Variants in WDR89 observed in about 807,000 individuals in gnomAD.
WDR89 encodes WD repeat domain 89, also known as WD repeat-containing protein 89.
In WDR89, 17 loss-of-function variants were observed where a neutral mutation model predicts 29.1. The observed-to-expected ratio is 0.58, with a 90% CI of 0.40 to 0.88. WDR89 has a LOEUF of 0.88. WDR89 is among the 40% of genes least tolerant of loss of function. The pLI is 0.00. For missense variants in WDR89, 396 were observed against 456.3 expected, an observed-to-expected ratio of 0.87 and a Z score of 1.20; for synonymous variants, 138 against 157.8, an observed-to-expected ratio of 0.87 and a Z score of 0.94.
At chr14:63,638,268 T>C (rs986947030) in intron 1 of WDR89, among the ~76,000 whole-genome samples, 3 of 152,030 alleles carry the variant, frequency 2.0e-5, no homozygotes, top group Non-Finnish European at 4.4e-5. Context: ...TAAAAAAAAG[T>C]CACTGCCCCC....
At position 63,597,479 on chromosome 14, in the gene WDR89, C is replaced by T. The variant is rs1256296249; in HGVS notation, c.*1300G>A. 1 of 152,132 alleles carries T rather than the reference C, an allele frequency of 6.6e-6. No homozygotes were observed. Among genetic ancestry groups the T allele is most frequent in the Non-Finnish European group, 1.5e-5 (1 of 68,016 alleles). 9.4% of individuals were successfully genotyped at this position (152,132 alleles called of 1,614,324 possible). ...CCCTGTATTTATCTTCTGTGGCTTT[C>T]ATCTTTTCTCTTTGTCTCTTTCAGT... On this transcript the variant is annotated 3_prime_UTR_variant, in exon 3 of 3. Coordinates refer to ENST00000620954, the MANE Select transcript of WDR89 (RefSeq NM_080666.4).
At chr14:63,633,210 C>T (rs1266659076) in intron 1 of WDR89, among the ~76,000 whole-genome samples, 1 of 151,934 alleles carries the variant, frequency 6.6e-6, no homozygotes, top group Non-Finnish European at 1.5e-5. Context: ...GACAGGATTT[C>T]CACCCCTTTT....
intron 2 of WDR89, among the ~76,000 whole-genome samples, chr14:63,612,227 A>G (rs1882032201): frequency 6.6e-6 from 1 of 152,222 alleles, no homozygotes; most frequent in Admixed American, 6.6e-5. Flanking sequence ...TAGCTTCATA[A>G]TAAACTGGAA....
chr14:63,608,666 G>GCACA (rs57605983), intron 2 of WDR89, among the ~76,000 whole-genome samples: 5,045 of 144,710 alleles, frequency 0.035, 261 homozygotes, highest in African/African-American at 0.11. Flanking sequence ...TGTGGTGCAT[G>GCACA]CACACACACA....
chr14:63,623,703 CAAAAAA>C (rs34839479), intron 2 of WDR89, among the ~76,000 whole-genome samples: 3 of 39,068 alleles, frequency 7.7e-5, no homozygotes, highest in African/African-American at 2.4e-4. Flanking sequence ...GACTCTGTCT[CAAAAAA>C]AAAAAAAAAA....
intron 1 of WDR89, among the ~76,000 whole-genome samples, chr14:63,635,101 C>G (rs548843683): frequency 5.1e-4 from 78 of 151,894 alleles, no homozygotes; most frequent in African/African-American, 1.8e-3. Flanking sequence ...CACAAGATAA[C>G]AAAGGAACTC....
chr14:63,636,840 T>G (rs908838364), intron 1 of WDR89, among the ~76,000 whole-genome samples: 1 of 152,204 alleles, frequency 6.6e-6, no homozygotes, highest in Admixed American at 6.5e-5. Context: ...AAAACCCTTC[T>G]AGACATTGGC....
chr14:63,599,639 C>G lies in WDR89; in HGVS notation c.304G>C (p.Ala102Pro). The change falls in exon 3 of 3, where the codon GCC becomes CCC. Residue 102 changes from alanine (A) to proline (P), a missense_variant. Transcript: ENST00000620954. ...GTVKCWDARV[A>P]REKPVQLFKG... ...AAGAGCTGAACAGGTTTTTCTCTGGCTACTCGAGCATCCCAGCATTTCACA... is the reference window on the plus strand; with the variant it reads ...AAGAGCTGAACAGGTTTTTCTCTGGGTACTCGAGCATCCCAGCATTTCACA... 7 of 1,614,152 alleles carry G rather than the reference C, an allele frequency of 4.3e-6. No individual in the cohort carries two copies. The highest frequency in any genetic ancestry group is 5.9e-6 in the Non-Finnish European group (7 of 1,180,002).
chr14:63,611,989 A>C (rs1055905844), intron 2 of WDR89, among the ~76,000 whole-genome samples: 6 of 152,224 alleles, frequency 3.9e-5, no homozygotes, highest in African/African-American at 1.2e-4. Flanking sequence ...CAGCCTCCCA[A>C]AGTGCTGGGA....
intron 2 of WDR89, among the ~76,000 whole-genome samples, chr14:63,624,046 A>T (rs535456907): frequency 6.6e-6 from 1 of 152,214 alleles, no homozygotes; most frequent in African/African-American, 2.4e-5. Flanking sequence ...TACAAAACTT[A>T]TAAGAGAAAA....
chr14:63,626,052 CCA>C (rs1883019916), intron 1 of WDR89, among the ~76,000 whole-genome samples: 1 of 151,998 alleles, frequency 6.6e-6, no homozygotes, highest in Non-Finnish European at 1.5e-5. Flanking sequence ...TGGGGTTTCA[CCA>C]TGTTGGCCAG....
chr14:63,602,988 C>A (rs1895147014), intron 2 of WDR89, among the ~76,000 whole-genome samples: 1 of 152,022 alleles, frequency 6.6e-6, no homozygotes, highest in Admixed American at 6.6e-5. Context: ...GACCTCCTGA[C>A]CTCGTGATCC....
chr14:63,632,920 T>G (rs772677696), intron 1 of WDR89, among the ~76,000 whole-genome samples: 2 of 152,142 alleles, frequency 1.3e-5, no homozygotes, highest in Non-Finnish European at 2.9e-5. Flanking sequence ...GTGTTTTAGA[T>G]GAGGAAGCTG....
Position 63,617,766 on chromosome 14 carries a change from T to C in WDR89, c.-32+7162A>G, listed in dbSNP as rs142896800. On this transcript the variant is annotated intron_variant, in intron 2 of 2. Transcript: ENST00000620954. The stretch of plus-strand genomic sequence containing the variant: ...TCCCAAAATGCTGGTATTGCAGGCA[T>C]GAGCCACTGCGCCTGGCCTAGAATT... Among the ~76,000 whole-genome samples, 561 of 152,256 alleles carry C rather than the reference T, an allele frequency of 3.7e-3. 2 individuals carry two copies. Among genetic ancestry groups the C allele is most frequent in the African/African-American group, 0.013 (538 of 41,548 alleles).
chr14:63,635,713 A>G (rs1270449391), intron 1 of WDR89, among the ~76,000 whole-genome samples: 1 of 152,210 alleles, frequency 6.6e-6, no homozygotes, highest in African/African-American at 2.4e-5. Flanking sequence ...AGACATGGTC[A>G]ATTACCTTGA....
At position 63,598,871 on chromosome 14, in the gene WDR89, T is replaced by C. The variant is rs1179036021; in HGVS notation, c.1072A>G (p.Thr358Ala). ...GCTATTTTCATACTCTCTTTCTTTG[T>C]AAAGGTCTTCTCTATAGCTCCAGGT... is the stretch of plus-strand genomic sequence containing the variant. ...WKPGAIEKTF[T>A]KKESMKIASS... Residue 358 changes from threonine (T) to alanine (A), a missense_variant, in exon 3 of 3, where the codon ACA becomes GCA. Thr to Ala is a moderately conservative substitution (Grantham distance 58). Transcript: ENST00000620954. 1.9e-6 allele frequency: 3 copies of C among 1,614,102 alleles called. No individual in the cohort carries two copies. In the African/African-American group the frequency reaches 4.0e-5, roughly 22 times the overall value.
At chr14:63,626,042 T>C (rs371351516) in intron 1 of WDR89, among the ~76,000 whole-genome samples, 33 of 152,016 alleles carry the variant, frequency 2.2e-4, no homozygotes, top group East Asian at 1.2e-3. Context: ...TTAGTAGAGA[T>C]GGGGTTTCAC....
At chr14:63,602,671 C>G (rs1176881439) in intron 2 of WDR89, among the ~76,000 whole-genome samples, 1 of 150,980 alleles carries the variant, frequency 6.6e-6, no homozygotes, top group Non-Finnish European at 1.5e-5. Flanking sequence ...ACTCGGGAGG[C>G]TGAGGCAGGA....
At chr14:63,601,661 T>C in intron 2 of WDR89, 4 of 1,613,102 alleles carry the variant, frequency 2.5e-6, no homozygotes, top group Non-Finnish European at 3.4e-6. Context: ...TTGGATCGGG[T>C]TCTAAAGGAA....
Sources: allele counts gnomAD v4.1 joint callset (sites outside exome capture counted in the v4.1 genomes callset), GRCh38; gene constraint gnomAD v4.1.1; transcripts MANE v1.5; gene names NCBI Gene and HGNC (gene_info 2026-07-23, HGNC 2026-07-21).